Variants in SCN10A observed in about 807,000 individuals in gnomAD.
The protein encoded by SCN10A is sodium voltage-gated channel alpha subunit 10.
SCN10A carries 162 observed loss-of-function variants against 170.7 expected under a neutral mutation model. The observed-to-expected ratio is 0.95, with a 90% CI of 0.84 to 1.08. The LOEUF (loss-of-function observed/expected upper bound fraction) is 1.08, where lower values mean the gene tolerates loss of function less well. Among genes scored for constraint, SCN10A ranks in the 50% least tolerant of loss-of-function variants. SCN10A has a pLI of 0.00. For missense variants in SCN10A, 2,527 were observed against 2,436.9 expected (o/e 1.04, Z -0.78); for synonymous variants, 985 against 904.6 (o/e 1.09, Z -1.59).
rs1295125392 is a variant in SCN10A, at chr3:38,761,327, T to G, written c.748A>C (p.Thr250Pro). 5.0e-6 allele frequency: 8 copies of G among 1,613,676 alleles called. No homozygotes were observed. The highest frequency in any genetic ancestry group is 6.8e-6 in the Non-Finnish European group (8 of 1,179,834). Residue 250 changes from threonine (T) to proline (P), a missense_variant, in exon 7 of 28, where the codon ACC becomes CCC. Transcript: ENST00000449082. ...CTTAGGCAGAAGATGGTGAGGATGG[T>G]CACATCAGCCAGTTTCTTCACTGAG... ...IHSVKKLADV[T>P]ILTIFCLSVF...
intron 21 of SCN10A, among the ~76,000 whole-genome samples, chr3:38,717,872 A>G (rs2063348983): frequency 6.6e-6 from 1 of 152,258 alleles, no homozygotes; most frequent in African/African-American, 2.4e-5. Context: ...GTAGTGGCCT[A>G]GACAGTGATA....
At chr3:38,732,884 C>T (rs555144412) in intron 15 of SCN10A, among the ~76,000 whole-genome samples, 8 of 152,186 alleles carry the variant, frequency 5.3e-5, no homozygotes, top group South Asian at 2.1e-4. Flanking sequence ...AGAGCCTTGA[C>T]GATTTAGGGA....
In SCN10A at chr3:38,811,190, C is replaced by T. The variant is rs570571826; in HGVS notation, c.-33+4847G>A. ...ACTACAGTCCAGGCACGGTGGCTCA[C>T]GCCTGTAATCCCAGCACTTTGGGAG... On this transcript the variant is annotated intron_variant, in intron 1 of 27. Coordinates refer to ENST00000449082, the MANE Select transcript of SCN10A (RefSeq NM_006514.4). 3.9e-5 allele frequency among the ~76,000 whole-genome samples: 6 copies of T among 152,254 alleles called. No individual in the cohort carries two copies. In the East Asian group the frequency reaches 5.8e-4, roughly 15 times the overall value.
In SCN10A at chr3:38,805,263, A is replaced by G. The variant is rs1335300129; in HGVS notation, c.-33+10774T>C. 3.3e-5 allele frequency among the ~76,000 whole-genome samples: 5 copies of G among 152,238 alleles called. No homozygotes were observed. In the East Asian group the frequency reaches 5.8e-4, roughly 18 times the overall value. ...TTTCATAGCACTGGGTGAAAGTGTG[A>G]CTGAGCTGGTGCTGAGAAATACTAA... On this transcript the variant is annotated intron_variant, in intron 1 of 27. Transcript: ENST00000449082.
chr3:38,764,742 T>C (rs1293669266), intron 5 of SCN10A, among the ~76,000 whole-genome samples: 1 of 152,208 alleles, frequency 6.6e-6, no homozygotes. Context: ...GTAGTGGGAT[T>C]GCTGGACCAA....
Position 38,710,832 on chromosome 3 carries a change from G to A in SCN10A, c.4143+12C>T. 6.2e-7 allele frequency: 1 copy of A among 1,612,250 alleles called. No individual in the cohort carries two copies. On this transcript the variant is annotated intron_variant, in intron 24 of 27. Transcript: ENST00000449082. Reference sequence around the variant, plus strand: ...GAGGGGAAGGCTGTAGGGACAGTGGGCTGAGACTCACCTCCCGGGAATCAA... The same window carrying A: ...GAGGGGAAGGCTGTAGGGACAGTGGACTGAGACTCACCTCCCGGGAATCAA...
At chr3:38,714,181 G>A (rs551405814) in intron 21 of SCN10A, 101 bp from the exon 22 acceptor site, 12 of 1,422,838 alleles carry the variant, frequency 8.4e-6, no homozygotes, top group African/African-American at 2.8e-5. Context: ...ATTCCTACAC[G>A]TCTAAGCCAT....
At chr3:38,725,670 T>A (rs949530747) in intron 17 of SCN10A, among the ~76,000 whole-genome samples, 1 of 152,268 alleles carries the variant, frequency 6.6e-6, no homozygotes, top group Non-Finnish European at 1.5e-5. Context: ...CACGAAGTGC[T>A]TGGCTCAATA....
intron 4 of SCN10A, among the ~76,000 whole-genome samples, chr3:38,786,414 T>G (rs553599560): frequency 4.0e-5 from 6 of 151,166 alleles, no homozygotes; most frequent in African/African-American, 1.5e-4. Flanking sequence ...CACTCATAGG[T>G]GGGAGATGAA....
chr3:38,797,247 G>T (rs2064346146), intron 1 of SCN10A, among the ~76,000 whole-genome samples: 1 of 152,030 alleles, frequency 6.6e-6, no homozygotes, highest in Non-Finnish European at 1.5e-5. Flanking sequence ...ACTGCTTATT[G>T]TCACCAGCCC....
chr3:38,756,949 A>G, intron 9 of SCN10A, 69 bp downstream of exon 9: 1 of 1,606,698 alleles, frequency 6.2e-7, no homozygotes, highest in South Asian at 1.1e-5. Flanking sequence ...CTCCTCCAGG[A>G]AAAGCACAGC....
In SCN10A at chr3:38,702,072, CT is replaced by C; in HGVS notation, c.4423del (p.Arg1475AspfsTer16). The C allele has an allele frequency of 6.3e-7, 1 of 1,582,102 alleles. No individual in the cohort carries two copies. The highest frequency in any genetic ancestry group is 8.6e-7 in the Non-Finnish European group (1 of 1,164,708). The stretch of plus-strand genomic sequence containing the variant: ...CATGATGGTGATGTCAAAAGCTTGT[CT>C]GGTCACGATGTCAAAGACAAAACCC... ...FQGFVFDIVTRQAFDITIMVL... is the reference protein window; with the variant it reads ...FQGFVFDIVTXQAFDITIMVL... On this transcript the variant is annotated frameshift_variant, in exon 27 of 28. Transcript: ENST00000449082. LOFTEE classifies it high-confidence loss of function.
At chr3:38,710,997 G>T in intron 23 of SCN10A, 100 bp from the exon 24 acceptor site, 1 of 943,196 alleles carries the variant, frequency 1.1e-6, no homozygotes, top group Non-Finnish European at 1.7e-6. Context: ...AGAGTCCTGT[G>T]TTGGAAAGGG....
intron 6 of SCN10A, among the ~76,000 whole-genome samples, chr3:38,761,664 A>G (rs2063873618): frequency 6.6e-6 from 1 of 152,118 alleles, no homozygotes; most frequent in Non-Finnish European, 1.5e-5. Flanking sequence ...TAGCAATTCA[A>G]TTTAAATAAT....
chr3:38,731,691 T>C (rs1435459192), intron 15 of SCN10A, among the ~76,000 whole-genome samples: 1 of 152,188 alleles, frequency 6.6e-6, no homozygotes, highest in Non-Finnish European at 1.5e-5. Context: ...CTTGCTGACG[T>C]CATGGACTGA....
rs1470130850 is a variant in SCN10A at position 38,728,857 on chromosome 3, T to G, written c.2325A>C (p.Thr775=). 2 of 1,613,818 alleles carry G rather than the reference T, an allele frequency of 1.2e-6. No individual in the cohort carries two copies. Among genetic ancestry groups the G allele is most frequent in the African/African-American group, 1.3e-5 (1 of 74,838 alleles). ...KLAKSWPTLN[T]LIKIIGNSVG... is the part of the protein sequence containing the mutation. ...CTGAGTTTCCGATGATCTTGATGAG[T>G]GTGTTTAAGGTGGGCCAGGATTTGG... Residue 775 remains threonine (T), a synonymous_variant, in exon 16 of 28, where the codon ACA becomes ACC. Coordinates refer to ENST00000449082, the MANE Select transcript of SCN10A (RefSeq NM_006514.4).
chr3:38,770,413 G>C (rs1055301412), intron 5 of SCN10A, among the ~76,000 whole-genome samples: 21 of 152,100 alleles, frequency 1.4e-4, no homozygotes, highest in African/African-American at 4.3e-4. Flanking sequence ...ACCCTTCTTG[G>C]GTAGGGATTG....
At chr3:38,791,903 C>T (rs1325171559) in intron 3 of SCN10A, 147 bp downstream of exon 3, 1 of 1,073,616 alleles carries the variant, frequency 9.3e-7, no homozygotes, top group Non-Finnish European at 1.3e-6. Flanking sequence ...ATTAAAGGCC[C>T]AAGCCATTTT....
chr3:38,750,719 A>AAT (rs2063738177), intron 12 of SCN10A, among the ~76,000 whole-genome samples: 1 of 152,228 alleles, frequency 6.6e-6, no homozygotes, highest in African/African-American at 2.4e-5. Flanking sequence ...TTGGGACTAA[A>AAT]ATATAGGTCC....
Sources: gnomAD v4.1 joint callset for allele counts (sites outside exome capture counted in the v4.1 genomes callset) on GRCh38, gnomAD v4.1.1 for gene constraint, MANE v1.5 for transcripts, NCBI Gene and HGNC (gene_info 2026-07-23, HGNC 2026-07-21) for gene names.